Variants in SAMD12 observed in about 807,000 individuals in gnomAD.
SAMD12 encodes sterile alpha motif domain containing 12, also known as sterile alpha motif domain-containing protein 12.
SAMD12 carries 9 observed loss-of-function variants against 15.0 expected under a neutral mutation model. The ratio of observed to expected loss-of-function variants is 0.60; its 90% CI spans 0.36 to 1.05. The LOEUF (loss-of-function observed/expected upper bound fraction) is 1.05, where lower values mean the gene tolerates loss of function less well. Ranked by LOEUF, SAMD12 falls within the 50% of genes least tolerant of loss-of-function variation. SAMD12 has a pLI of 0.01. For synonymous variants in SAMD12, 86 were observed against 90.1 expected (o/e 0.96, Z 0.25); for missense variants, 230 against 234.2 (o/e 0.98, Z 0.12).
At chr8:118,555,408 C>T (rs1047550014) in intron 2 of SAMD12, among the ~76,000 whole-genome samples, 66 of 152,172 alleles carry the variant, frequency 4.3e-4, no homozygotes, top group African/African-American at 1.6e-3. Context: ...GAATTCATCT[C>T]CCTAAAACAA....
chr8:118,300,434 C>G (rs901572290), intron 4 of SAMD12, among the ~76,000 whole-genome samples: 1 of 152,104 alleles, frequency 6.6e-6, no homozygotes. Flanking sequence ...ACATGGCCTT[C>G]AGAGGTGCCC....
chr8:118,617,956 G>GCA (rs1208806537), intron 1 of SAMD12, among the ~76,000 whole-genome samples: 1 of 151,922 alleles, frequency 6.6e-6, no homozygotes, highest in Non-Finnish European at 1.5e-5. Context: ...ATTAGTTTGG[G>GCA]GTCCCTGCTA....
chr8:118,259,283 A>C (rs1008729526), intron 4 of SAMD12, among the ~76,000 whole-genome samples: 2 of 152,100 alleles, frequency 1.3e-5, no homozygotes, highest in Non-Finnish European at 2.9e-5. Context: ...ATTTCCATAG[A>C]ATGGTTAAGA....
chr8:118,391,343 A>G (rs6469744), intron 3 of SAMD12, among the ~76,000 whole-genome samples: 34,889 of 152,082 alleles, frequency 0.23, 4,510 homozygotes, highest in African/African-American at 0.31. Flanking sequence ...CAAAACCTCT[A>G]GGTACTTTTA....
At chr8:118,317,961 T>C (rs1816003885) in intron 4 of SAMD12, among the ~76,000 whole-genome samples, 1 of 152,102 alleles carries the variant, frequency 6.6e-6, no homozygotes, top group Non-Finnish European at 1.5e-5. Flanking sequence ...TCGACATCAC[T>C]AAACATCAGG....
At chr8:118,348,516 C>A (rs954424380) in intron 4 of SAMD12, among the ~76,000 whole-genome samples, 1 of 152,012 alleles carries the variant, frequency 6.6e-6, no homozygotes, top group Non-Finnish European at 1.5e-5. Context: ...GAACTACAGG[C>A]GCCTGCCACC....
chr8:118,295,646 A>ATTTTTTT (rs34753693), intron 4 of SAMD12: 1 of 134,154 alleles, frequency 7.5e-6, no homozygotes, highest in Non-Finnish European at 1.6e-5. Context: ...GCTGTCACTG[A>ATTTTTTT]TTTTTTTTTT....
chr8:118,377,583 G>T (rs973287195), downstream of SAMD12, among the ~76,000 whole-genome samples: 3 of 152,250 alleles, frequency 2.0e-5, no homozygotes, highest in Middle Eastern at 3.4e-3. Flanking sequence ...TGAATTCAAA[G>T]GACTGAACTG....
intron 4 of SAMD12, among the ~76,000 whole-genome samples, chr8:118,295,480 T>C (rs1009681094): frequency 1.3e-5 from 2 of 152,196 alleles, no homozygotes; most frequent in African/African-American, 4.8e-5. Flanking sequence ...TGGATAATAA[T>C]GATGTGTAAT....
chr8:118,438,662 G>C (rs1216365211), intron 3 of SAMD12, among the ~76,000 whole-genome samples: 1 of 152,058 alleles, frequency 6.6e-6, no homozygotes, highest in African/African-American at 2.4e-5. Flanking sequence ...GAGCTGAACT[G>C]CAAAAAGAAA....
chr8:118,360,643 TG>T (rs1267590849), intron 4 of SAMD12, among the ~76,000 whole-genome samples: 8 of 152,242 alleles, frequency 5.3e-5, no homozygotes, highest in African/African-American at 1.9e-4. Context: ...TCGAAGATGC[TG>T]TGGGTACCCA....
At chr8:118,578,149 C>T (rs1335342213) in intron 2 of SAMD12, among the ~76,000 whole-genome samples, 1 of 152,124 alleles carries the variant, frequency 6.6e-6, no homozygotes, top group Non-Finnish European at 1.5e-5. Context: ...CTGCCCTTCT[C>T]GTTCCCTTTC....
intron 2 of SAMD12, among the ~76,000 whole-genome samples, chr8:118,500,833 C>T (rs1316570443): frequency 1.3e-5 from 2 of 152,132 alleles, no homozygotes; most frequent in East Asian, 1.9e-4. Context: ...ATTGTTCCTT[C>T]ATCTATGATC....
intron 2 of SAMD12, among the ~76,000 whole-genome samples, chr8:118,451,467 C>T (rs950444249): frequency 6.6e-6 from 1 of 152,176 alleles, no homozygotes; most frequent in African/African-American, 2.4e-5. Flanking sequence ...TAGGGCAATG[C>T]TAATCTCTCT....
chr8:118,289,256 G>C (rs1486571702), intron 4 of SAMD12, among the ~76,000 whole-genome samples: 1 of 152,112 alleles, frequency 6.6e-6, no homozygotes. Context: ...AATCACCCTT[G>C]CCAATATGAG....
intron 2 of SAMD12, among the ~76,000 whole-genome samples, chr8:118,550,402 C>A (rs574620820): frequency 7.2e-5 from 11 of 152,152 alleles, no homozygotes; most frequent in Non-Finnish European, 1.3e-4. Context: ...GAATTTGCAA[C>A]CCAGAATTTC....
intron 2 of SAMD12, among the ~76,000 whole-genome samples, chr8:118,471,083 T>C (rs920941107): frequency 2.0e-5 from 3 of 152,220 alleles, no homozygotes; most frequent in Non-Finnish European, 2.9e-5. Context: ...ATACATTATG[T>C]CTCTCAAATG....
At chr8:118,386,717 C>T (rs1293649794) in intron 3 of SAMD12, among the ~76,000 whole-genome samples, 1 of 152,216 alleles carries the variant, frequency 6.6e-6, no homozygotes, top group Non-Finnish European at 1.5e-5. Flanking sequence ...CAAGCCCAGC[C>T]TGGTCTCTGG....
At chr8:118,292,499 T>C (rs1042010994) in intron 4 of SAMD12, among the ~76,000 whole-genome samples, 2 of 152,132 alleles carry the variant, frequency 1.3e-5, no homozygotes, top group African/African-American at 4.8e-5. Context: ...TAGTCTTCAT[T>C]CCATTATCTG....
Sources: gnomAD v4.1 joint callset for allele counts (sites outside exome capture counted in the v4.1 genomes callset) on GRCh38, gnomAD v4.1.1 for gene constraint, MANE v1.5 for transcripts, NCBI Gene and HGNC (gene_info 2026-07-23, HGNC 2026-07-21) for gene names.